MUC17: variants seen among roughly 807,000 people sequenced by gnomAD.
MUC17 encodes mucin 17, cell surface associated, also known as mucin-17.
Under a neutral mutation model 170.3 loss-of-function variants are expected in MUC17, and 190 were observed. The ratio of observed to expected loss-of-function variants is 1.12; its 90% CI spans 0.99 to 1.26. MUC17 has a LOEUF of 1.26. Among genes scored for constraint, MUC17 ranks in the 50% most tolerant of loss-of-function variants. The pLI, the probability that MUC17 is intolerant of heterozygous loss-of-function variation, is 0.00. For missense variants in MUC17, 6,415 were observed against 5,530.0 expected (o/e 1.16, Z -5.08); for synonymous variants, 2,325 against 2,002.5 (o/e 1.16, Z -4.30).
chr7:101,043,577 C>A lies in MUC17; in HGVS notation c.12161C>A (p.Pro4054Gln), dbSNP rs200510400. The A allele has an allele frequency of 3.8e-5, 62 of 1,614,064 alleles. No homozygotes were observed. Among genetic ancestry groups the A allele is most frequent in the Middle Eastern group, 1.6e-4 (1 of 6,084 alleles). The change falls in exon 3 of 13, where the codon CCG (proline) becomes CAG (glutamine). Residue 4054 changes from proline to glutamine, a missense_variant. By Grantham distance (76) the Pro-to-Gln change is moderately conservative. Transcript: ENST00000306151. ...ACCCCTTCATCAGAATCCAGCAGGCCGTCAACAATTACTTCTCACACCATC... is the reference window on the plus strand; with the variant it reads ...ACCCCTTCATCAGAATCCAGCAGGCAGTCAACAATTACTTCTCACACCATC... ...PVTPSSESSR[P>Q]STITSHTIPP...
chr7:101,056,336 A>C, intron 12 of MUC17, 66 bp downstream of exon 12: 1 of 1,589,004 alleles, frequency 6.3e-7, no homozygotes, highest in Non-Finnish European at 8.6e-7. Context: ...CTCCTTTCCT[A>C]CATGGTAGGA....
In MUC17 at chr7:101,039,698, T is replaced by A; in HGVS notation, c.8282T>A (p.Leu2761Gln). The A allele has an allele frequency of 6.2e-7, 1 of 1,611,784 alleles. No homozygotes were observed. Among genetic ancestry groups the A allele is most frequent in the Non-Finnish European group, 8.5e-7 (1 of 1,179,044 alleles). The change falls in exon 3 of 13, where the codon CTG (leucine) becomes CAG (glutamine). Residue 2761 changes from leucine (L) to glutamine (Q), a missense_variant. Physicochemically the swap from Leu to Gln is moderately radical, Grantham distance 113. Transcript: ENST00000306151. ...TPLTSILVST[L>Q]PVASSEASTV... ...TTAACAAGTATACTTGTCAGCACCC[T>A]GCCAGTGGCCAGTTCTGAGGCTAGC...
intron 3 of MUC17, among the ~76,000 whole-genome samples, chr7:101,046,436 A>G (rs1162553871): frequency 1.3e-5 from 2 of 152,152 alleles, no homozygotes; most frequent in Non-Finnish European, 2.9e-5. Flanking sequence ...ACTACTTCCT[A>G]CCTATTTAAA....
At position 101,042,289 on chromosome 7, in the gene MUC17, C is replaced by T; in HGVS notation, c.10873C>T (p.Leu3625=). Residue 3625 remains leucine, a synonymous_variant, in exon 3 of 13, where the codon CTG becomes TTG. Transcript: ENST00000306151. ...STPTPPEVIT[L]PMSTPSEVST... ...TCCTACACCTCCTGAAGTTATCACC[C>T]TGCCAATGTCAACTCCTAGTGAAGT... 6.2e-7 allele frequency: 1 copy of T among 1,611,488 alleles called. No individual in the cohort carries two copies. Among genetic ancestry groups the T allele is most frequent in the Non-Finnish European group, 8.5e-7 (1 of 1,179,224 alleles).
chr7:101,033,497 C>T lies in MUC17; in HGVS notation c.2081C>T (p.Pro694Leu). 1.2e-6 allele frequency: 2 copies of T among 1,613,908 alleles called. No individual in the cohort carries two copies. The highest frequency in any genetic ancestry group is 8.5e-7 in the Non-Finnish European group (1 of 1,179,916). ...TEGSTPLTSM[P>L]VNTTLVASSE... Reference sequence around the variant, plus strand: ...GGAAGCACTCCATTAACAAGTATGCCTGTCAACACCACACTGGTGGCCAGT... The same window carrying T: ...GGAAGCACTCCATTAACAAGTATGCTTGTCAACACCACACTGGTGGCCAGT... The change falls in exon 3 of 13, where the codon CCT becomes CTT. Residue 694 changes from proline to leucine, a missense_variant. By Grantham distance (98) the Pro-to-Leu change is moderately conservative. Coordinates refer to ENST00000306151, the MANE Select transcript of MUC17 (RefSeq NM_001040105.2).
In MUC17 at chr7:101,039,290, T is replaced by G; in HGVS notation, c.7874T>G (p.Ile2625Ser). ...PTTAKDTSMPISTPSEVSTSL... is the reference protein window; with the variant it reads ...PTTAKDTSMPSSTPSEVSTSL... ...ACTGCAAAAGATACCAGCATGCCAA[T>G]CTCAACTCCTAGTGAAGTAAGTACT... The change falls in exon 3 of 13, where the codon ATC (isoleucine) becomes AGC (serine). Residue 2625 changes from isoleucine to serine, a missense_variant. By Grantham distance (142) the Ile-to-Ser change is moderately radical. Coordinates refer to ENST00000306151, the MANE Select transcript of MUC17 (RefSeq NM_001040105.2). The G allele has an allele frequency of 6.2e-7, 1 of 1,600,096 alleles. No individual in the cohort carries two copies. Among genetic ancestry groups the G allele is most frequent in the Non-Finnish European group, 8.5e-7 (1 of 1,173,344 alleles).
At chr7:101,027,145 T>C (rs938957580) in intron 1 of MUC17, among the ~76,000 whole-genome samples, 6 of 152,056 alleles carry the variant, frequency 3.9e-5, no homozygotes, top group African/African-American at 1.4e-4. Flanking sequence ...CTGGGCAACA[T>C]AGCAAGACCC....
Position 101,033,239 on chromosome 7 carries a change from G to GTTCATCTTCT in MUC17, c.1824_1833dup (p.Thr612PhefsTer7). The GTTCATCTTCT allele has an allele frequency of 2.5e-6, 4 of 1,613,854 alleles. No homozygotes were observed. Among genetic ancestry groups the GTTCATCTTCT allele is most frequent in the Non-Finnish European group, 3.4e-6 (4 of 1,179,994 alleles). On this transcript the variant is annotated frameshift_variant, in exon 3 of 13. Coordinates refer to ENST00000306151, the MANE Select transcript of MUC17 (RefSeq NM_001040105.2). LOFTEE classifies it high-confidence loss of function. ...TTTGTGACCACTTCTAGTGAAGCTA[G>GTTCATCTTCT]TTCATCTTCTACAACTGCTGAAGGT... is the stretch of plus-strand genomic sequence containing the variant.
Position 101,043,707 on chromosome 7 carries a change from A to G in MUC17, c.12291A>G (p.Lys4097=). The G allele has an allele frequency of 6.2e-7, 1 of 1,614,066 alleles. No homozygotes were observed. The highest frequency in any genetic ancestry group is 8.5e-7 in the Non-Finnish European group (1 of 1,180,008). ...EAVTTMTTRT[K]PSTRTTSFPT... ...TCACCACCATGACCACCAGGACAAA[A>G]CCCAGCACACGGACCACTTCCTTCC... is the stretch of plus-strand genomic sequence containing the variant. Residue 4097 remains lysine, a synonymous_variant, in exon 3 of 13, where the codon AAA becomes AAG. Coordinates refer to ENST00000306151, the MANE Select transcript of MUC17 (RefSeq NM_001040105.2).
chr7:101,051,886 T>C lies in MUC17; in HGVS notation c.13027T>C (p.Cys4343Arg), dbSNP rs763697251. 5 of 1,614,064 alleles carry C rather than the reference T, an allele frequency of 3.1e-6. No individual in the cohort carries two copies. In the East Asian group the frequency reaches 1.1e-4, roughly 36 times the overall value. Residue 4343 changes from cysteine (C) to arginine (R), a missense_variant, in exon 9 of 13, where the codon TGT becomes CGT. Transcript: ENST00000306151. Reference sequence around the variant, plus strand: ...CCAGAAGCCATACTGCATCAGCCCCTGTGAGCCTGGCTTCAGTGTCTCCAA... The same window carrying C: ...CCAGAAGCCATACTGCATCAGCCCCCGTGAGCCTGGCTTCAGTGTCTCCAA... ...RDQKPYCISP[C>R]EPGFSVSKNC... is the part of the protein sequence containing the mutation.
In MUC17 at chr7:101,041,085, A is replaced by G. The variant is rs776289616; in HGVS notation, c.9669A>G (p.Pro3223=). 3.7e-6 allele frequency: 6 copies of G among 1,613,764 alleles called. No homozygotes were observed. The African/African-American group carries it at 6.7e-5, about 18-fold the overall frequency. The change falls in exon 3 of 13, where the codon CCA becomes CCG. Residue 3223 remains proline, a synonymous_variant. Transcript: ENST00000306151. Reference sequence around the variant, plus strand: ...CAACTCCTAGTGAAGGAATGACTCCATTAACTAGTGTACCTGTCAGCAACA... The same window carrying G: ...CAACTCCTAGTGAAGGAATGACTCCGTTAACTAGTGTACCTGTCAGCAACA... ...PTSTPSEGMT[P]LTSVPVSNTP... is the part of the protein sequence containing the mutation.
At chr7:101,021,162 C>A (rs1794070818) in intron 1 of MUC17, among the ~76,000 whole-genome samples, 1 of 151,204 alleles carries the variant, frequency 6.6e-6, no homozygotes, top group Non-Finnish European at 1.5e-5. Flanking sequence ...TCCTCCCCAA[C>A]CCTCACCTCT....
At position 101,037,130 on chromosome 7, in the gene MUC17, G is replaced by C; in HGVS notation, c.5714G>C (p.Ser1905Thr). 4.3e-6 allele frequency: 7 copies of C among 1,611,556 alleles called. No individual in the cohort carries two copies. The highest frequency in any genetic ancestry group is 5.9e-6 in the Non-Finnish European group (7 of 1,179,648). The change falls in exon 3 of 13, where the codon AGT becomes ACT. Residue 1905 changes from serine to threonine, a missense_variant. Physicochemically the swap from Ser to Thr is moderately conservative, Grantham distance 58 (BLOSUM62 1). Coordinates refer to ENST00000306151, the MANE Select transcript of MUC17 (RefSeq NM_001040105.2). Reference protein sequence around the residue: ...STPVTTYAQVSSSPTTADGSS... With the variant: ...STPVTTYAQVTSSPTTADGSS... ...CCTGTGACCACTTATGCTCAAGTCA[G>C]TTCATCTCCTACAACTGCTGACGGT...
At chr7:101,028,675 CA>C (rs1794224571) in intron 1 of MUC17, among the ~76,000 whole-genome samples, 1 of 149,280 alleles carries the variant, frequency 6.7e-6, no homozygotes, top group Non-Finnish European at 1.5e-5. Context: ...GCCCAGAGTT[CA>C]AGAGCAGCCT....
rs78010183 is a variant in MUC17, at chr7:101,035,329, A to T, written c.3913A>T (p.Thr1305Ser). ...CACCCTTTTAACAACTCCTGTTGAC[A>T]CTAAAGGTCCTGTGGTCACTTCTAA... Reference protein sequence around the residue: ...ASTLLTTPVDTKGPVVTSNEV... With the variant: ...ASTLLTTPVDSKGPVVTSNEV... The change falls in exon 3 of 13, where the codon ACT becomes TCT. Residue 1305 changes from threonine to serine, a missense_variant. Physicochemically the swap from Thr to Ser is moderately conservative, Grantham distance 58. Coordinates refer to ENST00000306151, the MANE Select transcript of MUC17 (RefSeq NM_001040105.2). 101,647 of 1,440,628 alleles carry T rather than the reference A, an allele frequency of 0.071. No homozygotes were observed. The highest frequency in any genetic ancestry group is 0.22 in the African/African-American group (14,625 of 65,728). 89.2% of individuals were successfully genotyped at this position (1,440,628 alleles called of 1,614,324 possible).
At chr7:101,026,309 C>T (rs1584855364) in intron 1 of MUC17, among the ~76,000 whole-genome samples, 1 of 152,300 alleles carries the variant, frequency 6.6e-6, no homozygotes, top group African/African-American at 2.4e-5. Context: ...CTGCTGTGGG[C>T]CTGGGCCTAT....
rs777437431 is a variant in MUC17, at chr7:101,040,611, C to G, written c.9195C>G (p.Thr3065=). The change falls in exon 3 of 13, where the codon ACC becomes ACG. Residue 3065 remains threonine (T), a synonymous_variant. Coordinates refer to ENST00000306151, the MANE Select transcript of MUC17 (RefSeq NM_001040105.2). The part of the protein sequence containing the change: ...TTPVAIPEAS[T]LSTTPVDSNS... ...CAGTGGCCATTCCTGAGGCTAGCACCCTTTCAACAACTCCTGTTGACTCCA... is the reference window on the plus strand; with the variant it reads ...CAGTGGCCATTCCTGAGGCTAGCACGCTTTCAACAACTCCTGTTGACTCCA... The G allele has an allele frequency of 6.2e-7, 1 of 1,612,162 alleles. No individual in the cohort carries two copies. The highest frequency in any genetic ancestry group is 1.7e-5 in the Admixed American group (1 of 59,720).
intron 3 of MUC17, among the ~76,000 whole-genome samples, chr7:101,046,584 T>C (rs1226676054): frequency 1.3e-5 from 2 of 152,140 alleles, no homozygotes; most frequent in Non-Finnish European, 2.9e-5. Context: ...GAGACCAGCC[T>C]GAGCAACAGA....
rs142558659 is a variant in MUC17 at position 101,034,748 on chromosome 7, G to T, written c.3332G>T (p.Arg1111Met). ...CTAACAAGTGTGCCTGTCAGCACCA[G>T]GCTGGTGGTCAGTTCTGAGGCTAGC... is the stretch of plus-strand genomic sequence containing the variant. ...TPLTSVPVST[R>M]LVVSSEASTL... The change falls in exon 3 of 13, where the codon AGG (arginine) becomes ATG (methionine). Residue 1111 changes from arginine to methionine, a missense_variant. Arg to Met is a moderately conservative substitution (Grantham distance 91). Transcript: ENST00000306151. 7.0e-6 allele frequency: 11 copies of T among 1,576,252 alleles called. No individual in the cohort carries two copies. Among genetic ancestry groups the T allele is most frequent in the East Asian group, 2.3e-5 (1 of 43,434 alleles).
Sources: allele counts gnomAD v4.1 joint callset (sites outside exome capture counted in the v4.1 genomes callset), GRCh38; gene constraint gnomAD v4.1.1; transcripts MANE v1.5; gene names NCBI Gene and HGNC (gene_info 2026-07-23, HGNC 2026-07-21).